Variants in LRMDA observed in about 807,000 individuals in gnomAD.
LRMDA encodes the protein leucine rich melanocyte differentiation associated, also known as leucine-rich melanocyte differentiation-associated protein.
Under a neutral mutation model 29.8 loss-of-function variants are expected in LRMDA, and 18 were observed. The observed-to-expected ratio is 0.60, with a 90% confidence interval of 0.42 to 0.90. The LOEUF is 0.90. Among genes scored for constraint, LRMDA ranks in the 40% least tolerant of loss-of-function variants. The probability of loss-of-function intolerance (pLI) is 0.00; values close to 1 mark genes in which losing one functional copy is unlikely to be tolerated. For missense variants in LRMDA, 273 were observed against 273.9 expected, an observed-to-expected ratio of 1.00 and a Z score of 0.02; for synonymous variants, 125 against 109.4, an observed-to-expected ratio of 1.14 and a Z score of -0.89.
chr10:75,450,846 C>A (rs1425957684), intron 2 of LRMDA: 1 of 152,230 alleles, frequency 6.6e-6, no homozygotes, highest in Non-Finnish European at 1.5e-5. Flanking sequence ...GCTCAGTGCC[C>A]TGCTGTGGCT....
intron 2 of LRMDA, among the ~76,000 whole-genome samples, chr10:75,695,163 C>CT: frequency 6.6e-6 from 1 of 151,928 alleles, no homozygotes; most frequent in Admixed American, 6.6e-5. Context: ...GTGTGTCTTG[C>CT]TTTTTTTAAA....
Position 76,559,354 on chromosome 10 carries a change from GACC to G in LRMDA, c.*2069_*2071del, listed in dbSNP as rs1843597685. Reference sequence around the variant, plus strand: ...AAACATATTTTTGGAGTGAGTTATTGACCACATTGTTTCCCTCTCTTTGGGTTG... The same window carrying G: ...AAACATATTTTTGGAGTGAGTTATTGACATTGTTTCCCTCTCTTTGGGTTG... On this transcript the variant is annotated 3_prime_UTR_variant, in exon 7 of 7. Coordinates refer to ENST00000611255, the MANE Select transcript of LRMDA (RefSeq NM_001305581.2). The G allele has an allele frequency of 6.6e-6, 1 of 152,102 alleles. No homozygotes were observed. The highest frequency in any genetic ancestry group is 2.1e-4 in the South Asian group (1 of 4,828). 9.4% of individuals were successfully genotyped at this position (152,102 alleles called of 1,614,324 possible).
intron 2 of LRMDA, among the ~76,000 whole-genome samples, chr10:75,678,093 CATACAT>C (rs1336981887): frequency 6.6e-6 from 1 of 152,118 alleles, no homozygotes; most frequent in Non-Finnish European, 1.5e-5. Flanking sequence ...CAGAAATATT[CATACAT>C]ATACATATAT....
intron 6 of LRMDA, among the ~76,000 whole-genome samples, chr10:76,341,667 A>C (rs900792819): frequency 6.6e-6 from 1 of 152,162 alleles, no homozygotes; most frequent in African/African-American, 2.4e-5. Flanking sequence ...AAAAGACTTG[A>C]AGCCTGGGAG....
chr10:76,550,387 T>C (rs74823640), intron 6 of LRMDA, among the ~76,000 whole-genome samples: 1 of 152,150 alleles, frequency 6.6e-6, no homozygotes, highest in Admixed American at 6.5e-5. Context: ...CCTTGTGGTG[T>C]TGTTTTTGTA....
chr10:76,158,060 T>G (rs1850573295), intron 5 of LRMDA, among the ~76,000 whole-genome samples: 1 of 152,160 alleles, frequency 6.6e-6, no homozygotes, highest in Non-Finnish European at 1.5e-5. Context: ...TTGACTGAAA[T>G]ATCATTATGT....
rs199808927 is a variant in LRMDA, at chr10:76,491,092, A to ATT, written c.602-66109_602-66108dup. 2.0e-5 allele frequency among the ~76,000 whole-genome samples: 3 copies of ATT among 151,370 alleles called. No individual in the cohort carries two copies. The East Asian group carries it at 5.8e-4, about 29-fold the overall frequency. ...ATTAACTTTTTCCTCCTGCTTTTTA[A>ATT]TTTTTTTTTGTTTCTATGTATATTG... On this transcript the variant is annotated intron_variant, in intron 6 of 6. Transcript: ENST00000611255.
At chr10:75,949,680 G>T (rs1418104031) in intron 2 of LRMDA, among the ~76,000 whole-genome samples, 1 of 152,082 alleles carries the variant, frequency 6.6e-6, no homozygotes, top group African/African-American at 2.4e-5. Flanking sequence ...GGGCACCCTC[G>T]ATTTGGAGCT....
At chr10:76,041,037 G>A (rs1848331400) in intron 3 of LRMDA, among the ~76,000 whole-genome samples, 1 of 152,210 alleles carries the variant, frequency 6.6e-6, no homozygotes, top group African/African-American at 2.4e-5. Flanking sequence ...GAAAGTCTCT[G>A]TACCTTGTCA....
chr10:76,043,838 T>C (rs780026609), intron 3 of LRMDA, among the ~76,000 whole-genome samples: 2 of 152,206 alleles, frequency 1.3e-5, no homozygotes, highest in Non-Finnish European at 2.9e-5. Flanking sequence ...CAGTTTGGGG[T>C]TCCATTCCTG....
At chr10:75,562,137 A>C (rs1180644635) in intron 2 of LRMDA, among the ~76,000 whole-genome samples, 1 of 152,012 alleles carries the variant, frequency 6.6e-6, no homozygotes, top group African/African-American at 2.4e-5. Context: ...GGGGTGTTAA[A>C]GTCTCCCATT....
intron 2 of LRMDA, among the ~76,000 whole-genome samples, chr10:75,530,049 C>A (rs1845459100): frequency 6.6e-6 from 1 of 151,754 alleles, no homozygotes; most frequent in Admixed American, 6.6e-5. Flanking sequence ...CATAGAATTT[C>A]TTGATTCTTT....
rs897201060 is a variant in LRMDA, at chr10:75,851,624, T to G, written c.132-184384T>G. On this transcript the variant is annotated intron_variant, in intron 2 of 6. Transcript: ENST00000611255. ...CTAATTCTCTTTGATTAGTAGCAAG[T>G]TAGATGATAGTGACCCATTGAAATT... 3.3e-5 allele frequency among the ~76,000 whole-genome samples: 5 copies of G among 152,316 alleles called. No individual in the cohort carries two copies. In the East Asian group the frequency reaches 7.7e-4, roughly 23 times the overall value.
At chr10:75,876,443 C>T (rs543794661) in intron 2 of LRMDA, among the ~76,000 whole-genome samples, 15 of 152,134 alleles carry the variant, frequency 9.9e-5, no homozygotes, top group African/African-American at 2.4e-4. Context: ...GAGAGGCCCT[C>T]GCGGGAGCTA....
At chr10:76,458,723 A>G (rs1234745438) in intron 6 of LRMDA, among the ~76,000 whole-genome samples, 2 of 152,170 alleles carry the variant, frequency 1.3e-5, no homozygotes, top group African/African-American at 2.4e-5. Context: ...GCCCAGCTTC[A>G]CAGGGGCCAC....
intron 2 of LRMDA, among the ~76,000 whole-genome samples, chr10:75,624,136 T>C (rs1589138378): frequency 6.6e-6 from 1 of 152,318 alleles, no homozygotes; most frequent in East Asian, 1.9e-4. Context: ...ATCCTTCATG[T>C]GCACATGAAA....
intron 6 of LRMDA, among the ~76,000 whole-genome samples, chr10:76,433,342 G>T (rs1842211064): frequency 6.6e-6 from 1 of 152,170 alleles, no homozygotes; most frequent in Non-Finnish European, 1.5e-5. Flanking sequence ...AAGTACAAAG[G>T]TATCAGGTTT....
intron 5 of LRMDA, among the ~76,000 whole-genome samples, chr10:76,215,119 T>C (rs938607124): frequency 1.3e-5 from 2 of 152,112 alleles, no homozygotes; most frequent in African/African-American, 4.8e-5. Context: ...AAGGTGATGG[T>C]TGGGGGATGT....
At chr10:76,190,812 C>T (rs1016985818) in intron 5 of LRMDA, among the ~76,000 whole-genome samples, 3 of 152,092 alleles carry the variant, frequency 2.0e-5, no homozygotes, top group South Asian at 2.1e-4. Context: ...AAAACACATA[C>T]GCTGTAATAT....
Sources: allele counts gnomAD v4.1 joint callset (sites outside exome capture counted in the v4.1 genomes callset), GRCh38; gene constraint gnomAD v4.1.1; transcripts MANE v1.5; gene names NCBI Gene and HGNC (gene_info 2026-07-23, HGNC 2026-07-21).